Variants in FBXW4 observed in about 807,000 individuals in gnomAD.
The protein encoded by FBXW4 is F-box and WD repeat domain containing 4.
Under a neutral mutation model 61.8 loss-of-function variants are expected in FBXW4, and 40 were observed. The ratio of observed to expected loss-of-function variants is 0.65; its 90% CI spans 0.50 to 0.84. The LOEUF (loss-of-function observed/expected upper bound fraction) is 0.84, where lower values mean the gene tolerates loss of function less well. Ranked by LOEUF, FBXW4 falls within the 40% of genes least tolerant of loss-of-function variation. The probability of loss-of-function intolerance (pLI) is 0.00; values close to 1 mark genes in which losing one functional copy is unlikely to be tolerated. For synonymous variants in FBXW4, 311 were observed against 313.8 expected (o/e 0.99, Z 0.10); for missense variants, 672 against 753.8 (o/e 0.89, Z 1.27).
At chr10:101,679,738 A>AT (rs1291067944) in intron 1 of FBXW4, among the ~76,000 whole-genome samples, 1 of 152,050 alleles carries the variant, frequency 6.6e-6, no homozygotes, top group African/African-American at 2.4e-5. Context: ...CCTTTTTAAA[A>AT]TTTTTTTACT....
intron 1 of FBXW4, among the ~76,000 whole-genome samples, chr10:101,691,456 G>A (rs1331912153): frequency 6.6e-6 from 1 of 152,102 alleles, no homozygotes; most frequent in Non-Finnish European, 1.5e-5. Flanking sequence ...AGAAGGCCAG[G>A]ACACCTTACC....
intron 5 of FBXW4, among the ~76,000 whole-genome samples, chr10:101,651,970 C>T (rs1174214262): frequency 6.6e-6 from 1 of 152,088 alleles, no homozygotes; most frequent in Non-Finnish European, 1.5e-5. Flanking sequence ...TTTTGACCTG[C>T]ACCTAATCAA....
chr10:101,659,463 C>T, intron 5 of FBXW4: 1 of 984,644 alleles, frequency 1.0e-6, no homozygotes, highest in Non-Finnish European at 1.2e-6. Context: ...CCTCTCTTCA[C>T]TGTCCAGAGA....
chr10:101,622,774 A>G (rs1020974657), intron 6 of FBXW4: 1 of 151,742 alleles, frequency 6.6e-6, no homozygotes, highest in Non-Finnish European at 1.5e-5. Context: ...TTGGGGGTAG[A>G]TATTTGCAAA....
intron 1 of FBXW4, among the ~76,000 whole-genome samples, chr10:101,685,507 G>C (rs919762909): frequency 3.9e-5 from 6 of 152,132 alleles, no homozygotes; most frequent in Admixed American, 3.3e-4. Context: ...TATTGCCCAT[G>C]ATACAATTTG....
intron 5 of FBXW4, among the ~76,000 whole-genome samples, chr10:101,651,757 C>A (rs922542947): frequency 6.6e-6 from 1 of 151,980 alleles, no homozygotes; most frequent in Non-Finnish European, 1.5e-5. Flanking sequence ...CTGACAGGGG[C>A]CTTTATGAGA....
chr10:101,666,490 AAAG>A (rs1245585091), intron 5 of FBXW4, among the ~76,000 whole-genome samples: 2 of 152,154 alleles, frequency 1.3e-5, no homozygotes, highest in African/African-American at 4.8e-5. Flanking sequence ...GGGTGAGGAG[AAAG>A]AAGCTGAAGG....
chr10:101,673,975 A>G (rs1453808938), intron 2 of FBXW4, among the ~76,000 whole-genome samples: 2 of 152,228 alleles, frequency 1.3e-5, no homozygotes, highest in East Asian at 3.8e-4. Context: ...CTGGCTACCT[A>G]GACTTCTCAT....
At position 101,641,938 on chromosome 10, in the gene FBXW4, G is replaced by A. The variant is rs181766139; in HGVS notation, c.1236-17128C>T. ...TCTCAGCACTTTGGGAGGCTGAGGC[G>A]GGTGGGTCACCTGAGGTCAGGAGTT... On this transcript the variant is annotated intron_variant, in intron 5 of 8. Transcript: ENST00000331272. Among the ~76,000 whole-genome samples, 444 of 151,440 alleles carry A rather than the reference G, an allele frequency of 2.9e-3. 5 individuals carry two copies. The highest frequency in any genetic ancestry group is 0.01 in the African/African-American group (428 of 41,302).
intron 2 of FBXW4, among the ~76,000 whole-genome samples, chr10:101,674,608 G>C (rs1199541273): frequency 6.6e-6 from 1 of 152,226 alleles, no homozygotes; most frequent in Non-Finnish European, 1.5e-5. Flanking sequence ...TAGATACCTA[G>C]ATCCTCACAG....
intron 5 of FBXW4, chr10:101,627,845 C>T (rs777528197): frequency 2.0e-6 from 1 of 506,428 alleles, no homozygotes; most frequent in Non-Finnish European, 2.5e-6. Context: ...CACACTCAGA[C>T]TCCTCCCTTG....
intron 5 of FBXW4, among the ~76,000 whole-genome samples, chr10:101,664,713 C>T (rs1012055712): frequency 4.6e-5 from 7 of 152,198 alleles, no homozygotes; most frequent in Admixed American, 1.3e-4. Flanking sequence ...GCAAATGCTA[C>T]ACCAGGCAAG....
intron 5 of FBXW4, among the ~76,000 whole-genome samples, chr10:101,665,463 G>A (rs2064289066): frequency 6.6e-6 from 1 of 152,056 alleles, no homozygotes; most frequent in Admixed American, 6.6e-5. Context: ...GCCAAGAAGA[G>A]GACAGGAAGA....
chr10:101,652,833 C>T (rs2064155813), intron 5 of FBXW4, among the ~76,000 whole-genome samples: 1 of 152,224 alleles, frequency 6.6e-6, no homozygotes, highest in Non-Finnish European at 1.5e-5. Context: ...CTCTGGCTGG[C>T]TGATCTACTC....
intron 2 of FBXW4, among the ~76,000 whole-genome samples, chr10:101,676,051 G>C (rs763430299): frequency 1.3e-5 from 2 of 152,130 alleles, no homozygotes; most frequent in Non-Finnish European, 1.5e-5. Context: ...GGAGTTACAG[G>C]TTAGTTTTAT....
chr10:101,689,171 T>G (rs1434337107), intron 1 of FBXW4, among the ~76,000 whole-genome samples: 1 of 152,152 alleles, frequency 6.6e-6, no homozygotes, highest in African/African-American at 2.4e-5. Context: ...ACCGAAATAT[T>G]TTCAGAGCTC....
At chr10:101,641,102 A>G (rs2064049009) in intron 5 of FBXW4, among the ~76,000 whole-genome samples, 1 of 152,200 alleles carries the variant, frequency 6.6e-6, no homozygotes, top group Admixed American at 6.5e-5. Flanking sequence ...AAGTGCTGGG[A>G]TTACAGGCAT....
chr10:101,673,401 G>T, intron 3 of FBXW4, 87 bp downstream of exon 3: 1 of 1,454,828 alleles, frequency 6.9e-7, no homozygotes, highest in Non-Finnish European at 9.5e-7. Context: ...CATCCCTTTG[G>T]AGTTAAGACA....
In FBXW4 at chr10:101,611,573, C is replaced by T. The variant is rs1396645487; in HGVS notation, c.1584+55G>A. 2.5e-6 allele frequency: 4 copies of T among 1,598,992 alleles called. No individual in the cohort carries two copies. Among genetic ancestry groups the T allele is most frequent in the Non-Finnish European group, 3.4e-6 (4 of 1,169,466 alleles). The stretch of plus-strand genomic sequence containing the variant: ...TGGCTACCTCACCCTCTCCCAAATG[C>T]AGCCCATAATCATGAGTCCTGGCAT... On this transcript the variant is annotated intron_variant, in intron 8 of 8. Transcript: ENST00000331272. The surrounding 1 kb of genome is among the most constrained non-coding windows in gnomAD (Gnocchi z 4.9).
Sources: allele counts gnomAD v4.1 joint callset (sites outside exome capture counted in the v4.1 genomes callset), GRCh38; gene constraint gnomAD v4.1.1; non-coding constraint Gnocchi (gnomAD v3.1); transcripts MANE v1.5; gene names NCBI Gene and HGNC (gene_info 2026-07-23, HGNC 2026-07-21).